Variants in KCNIP4 observed in about 807,000 individuals in gnomAD.
The protein encoded by KCNIP4 is Kv channel-interacting protein 4.
Under a neutral mutation model 34.0 loss-of-function variants are expected in KCNIP4, and 12 were observed. The observed-to-expected ratio is 0.35, with a 90% CI of 0.23 to 0.57. KCNIP4 has a LOEUF of 0.57. Ranked by LOEUF, KCNIP4 falls within the 20% of genes least tolerant of loss-of-function variation. The pLI is 0.83. For missense variants in KCNIP4, 238 were observed against 311.7 expected, an observed-to-expected ratio of 0.76 and a Z score of 1.78; for synonymous variants, 124 against 102.2, an observed-to-expected ratio of 1.21 and a Z score of -1.29.
At chr4:20,965,113 A>G (rs1162849400) in intron 1 of KCNIP4, among the ~76,000 whole-genome samples, 2 of 152,194 alleles carry the variant, frequency 1.3e-5, no homozygotes, top group Non-Finnish European at 2.9e-5. Flanking sequence ...CTTTCCCACC[A>G]TAGTTAAGTG....
At chr4:21,528,778 AGGAAGAAAGGAAGAAAGGAAGAAAG>A (rs1736349463) in intron 1 of KCNIP4, among the ~76,000 whole-genome samples, 1 of 16,432 alleles carries the variant, frequency 6.1e-5, no homozygotes, top group African/African-American at 2.4e-4. Flanking sequence ...AAAGAAAGAA[AGGAAGAAAGGAAGAAAGGAAGAAAG>A]GAAGGAAGGA....
intron 1 of KCNIP4, among the ~76,000 whole-genome samples, chr4:21,169,722 C>T (rs1262932050): frequency 6.7e-6 from 1 of 149,474 alleles, no homozygotes; most frequent in African/African-American, 2.5e-5. Flanking sequence ...GTGCAGCCCT[C>T]TCCTTAGGCT....
intron 1 of KCNIP4, among the ~76,000 whole-genome samples, chr4:21,702,149 T>A (rs1712907103): frequency 6.6e-6 from 1 of 152,162 alleles, no homozygotes; most frequent in Non-Finnish European, 1.5e-5. Context: ...TTTCTCACAA[T>A]TCTGGAGACT....
chr4:20,884,706 C>A (rs1577313524), intron 1 of KCNIP4, among the ~76,000 whole-genome samples: 1 of 125,710 alleles, frequency 8.0e-6, no homozygotes, highest in Admixed American at 8.5e-5. Context: ...CCAGTGCAGC[C>A]TTTTTTTTTT....
intron 1 of KCNIP4, among the ~76,000 whole-genome samples, chr4:21,127,278 T>C (rs1332828011): frequency 6.6e-6 from 1 of 152,126 alleles, no homozygotes; most frequent in Admixed American, 6.5e-5. Context: ...CTTTCCTCAT[T>C]TTACTGTCTC....
At chr4:21,913,760 G>T (rs1335134792) in intron 1 of KCNIP4, among the ~76,000 whole-genome samples, 2 of 152,124 alleles carry the variant, frequency 1.3e-5, no homozygotes, top group African/African-American at 2.4e-5. Context: ...AAAAAATATG[G>T]CAGGGTAAGA....
At chr4:20,967,750 C>T (rs1229800350) in intron 1 of KCNIP4, among the ~76,000 whole-genome samples, 2 of 152,122 alleles carry the variant, frequency 1.3e-5, no homozygotes, top group African/African-American at 4.8e-5. Context: ...AAACTGGATC[C>T]CTTCCTTACA....
intron 1 of KCNIP4, among the ~76,000 whole-genome samples, chr4:21,820,435 A>C (rs1462566099): frequency 6.6e-6 from 1 of 151,680 alleles, no homozygotes; most frequent in Non-Finnish European, 1.5e-5. Flanking sequence ...CAGACAATAC[A>C]TTTTTGAAAA....
intron 1 of KCNIP4, among the ~76,000 whole-genome samples, chr4:20,946,956 C>G (rs1411600443): frequency 6.6e-6 from 1 of 152,048 alleles, no homozygotes; most frequent in Non-Finnish European, 1.5e-5. Flanking sequence ...TGAGGATGAG[C>G]CTGCCTATAT....
At chr4:20,800,552 T>C (rs528766877) in intron 3 of KCNIP4, among the ~76,000 whole-genome samples, 8 of 152,316 alleles carry the variant, frequency 5.3e-5, no homozygotes, top group African/African-American at 1.9e-4. Context: ...TAATTCATTA[T>C]CTGAATGAGA....
chr4:21,086,256 T>C (rs1746420467), intron 1 of KCNIP4, among the ~76,000 whole-genome samples: 1 of 152,152 alleles, frequency 6.6e-6, no homozygotes, highest in African/African-American at 2.4e-5. Flanking sequence ...TATTATTCTC[T>C]CATGCATCTG....
At chr4:21,259,572 C>A (rs145109329) in intron 1 of KCNIP4, among the ~76,000 whole-genome samples, 92 of 152,234 alleles carry the variant, frequency 6.0e-4, no homozygotes, top group Non-Finnish European at 9.7e-4. Context: ...TGCTGGAACT[C>A]TTGTTATTAC....
chr4:21,115,271 TATAG>T (rs1483041018), intron 1 of KCNIP4, among the ~76,000 whole-genome samples: 1 of 152,232 alleles, frequency 6.6e-6, no homozygotes, highest in Admixed American at 6.5e-5. Flanking sequence ...ATTTAGCTGC[TATAG>T]ATAGTAGTTG....
intron 1 of KCNIP4, among the ~76,000 whole-genome samples, chr4:21,344,670 T>C (rs770627749): frequency 2.0e-5 from 3 of 152,216 alleles, no homozygotes; most frequent in Non-Finnish European, 2.9e-5. Context: ...AAGTACGTTA[T>C]CTTATTAAAG....
intron 1 of KCNIP4, among the ~76,000 whole-genome samples, chr4:20,887,947 T>C (rs1725503715): frequency 6.6e-6 from 1 of 151,982 alleles, no homozygotes; most frequent in African/African-American, 2.4e-5. Context: ...AACATGAAAG[T>C]TGGGGGAGGG....
At chr4:21,875,699 T>G (rs139319106) in intron 1 of KCNIP4, among the ~76,000 whole-genome samples, 1,657 of 152,312 alleles carry the variant, frequency 0.011, 17 homozygotes, top group South Asian at 0.031. Context: ...GATTTTTGAT[T>G]ATTTGATGCT....
At chr4:21,421,236 A>G (rs1725427115) in intron 1 of KCNIP4, among the ~76,000 whole-genome samples, 1 of 152,216 alleles carries the variant, frequency 6.6e-6, no homozygotes, top group Non-Finnish European at 1.5e-5. Context: ...AGTTAAAAAT[A>G]GAACTATCAC....
chr4:21,454,390 A>C (rs1258827482), intron 1 of KCNIP4, among the ~76,000 whole-genome samples: 1 of 152,086 alleles, frequency 6.6e-6, no homozygotes, highest in Non-Finnish European at 1.5e-5. Flanking sequence ...TAAGGCATGT[A>C]AAAGCTTGAG....
At chr4:21,266,201 G>A (rs188460241) in intron 1 of KCNIP4, among the ~76,000 whole-genome samples, 4 of 152,250 alleles carry the variant, frequency 2.6e-5, no homozygotes, top group African/African-American at 9.6e-5. Flanking sequence ...GAATTTATTT[G>A]AACTCAGACA....
Sources: gnomAD v4.1 joint callset for allele counts (sites outside exome capture counted in the v4.1 genomes callset) on GRCh38, gnomAD v4.1.1 for gene constraint, MANE v1.5 for transcripts, NCBI Gene and HGNC (gene_info 2026-07-23, HGNC 2026-07-21) for gene names.